PIK3R6: variants seen among roughly 807,000 people sequenced by gnomAD.
PIK3R6 encodes phosphoinositide 3-kinase regulatory subunit 6.
PIK3R6 carries 91 observed loss-of-function variants against 84.9 expected under a neutral mutation model. The observed-to-expected ratio is 1.07, with a 90% CI of 0.90 to 1.28. PIK3R6 has a LOEUF of 1.28. Among genes scored for constraint, PIK3R6 ranks in the 50% most tolerant of loss-of-function variants. The pLI is 0.00. For missense variants in PIK3R6, 996 were observed against 985.1 expected, an observed-to-expected ratio of 1.01 and a Z score of -0.15; for synonymous variants, 416 against 411.4, an observed-to-expected ratio of 1.01 and a Z score of -0.13.
At chr17:8,849,724 AG>A (rs2088896836) in intron 2 of PIK3R6, 57 bp downstream of exon 2, 2 of 1,557,230 alleles carry the variant, frequency 1.3e-6, no homozygotes, top group Non-Finnish European at 1.7e-6. Flanking sequence ...ACCCATGAGA[AG>A]GGCCTTCCCC....
In PIK3R6 at chr17:8,842,790, C is replaced by A. The variant is rs888231969; in HGVS notation, c.14-3093G>T. On this transcript the variant is annotated intron_variant, in intron 2 of 19. Coordinates refer to ENST00000619866, the MANE Select transcript of PIK3R6 (RefSeq NM_001010855.4). This position sits in a 1 kb window ranked among gnomAD's most constrained non-coding sequence, Gnocchi z 4.5. ...ATCTCATGTGACAGGGATCTCTCTT[C>A]TTGGCTCCTTTTTGGTCCTCCTGCT... Among the ~76,000 whole-genome samples the A allele has an allele frequency of 3.3e-5, 5 of 152,214 alleles. No homozygotes were observed. Among genetic ancestry groups the A allele is most frequent in the African/African-American group, 1.2e-4 (5 of 41,454 alleles).
intron 18 of PIK3R6, among the ~76,000 whole-genome samples, chr17:8,815,898 G>A (rs1331865752): frequency 2.6e-5 from 4 of 152,134 alleles, no homozygotes; most frequent in African/African-American, 7.2e-5. Context: ...GTGAATTTGG[G>A]GTACACATGT....
chr17:8,848,256 A>C (rs1000959245), intron 2 of PIK3R6, among the ~76,000 whole-genome samples: 1 of 152,024 alleles, frequency 6.6e-6, no homozygotes, highest in Non-Finnish European at 1.5e-5. Context: ...ATCAGTTTCT[A>C]TTGCTTATAT....
At chr17:8,838,906 G>A (rs560438338) in intron 3 of PIK3R6, among the ~76,000 whole-genome samples, 1 of 152,270 alleles carries the variant, frequency 6.6e-6, no homozygotes, top group South Asian at 2.1e-4. Flanking sequence ...ACACCAGTGG[G>A]GACAGGTGTG....
At chr17:8,836,944 G>A (rs1015691540) in intron 5 of PIK3R6, 21 bp from the exon 6 acceptor site, 15 of 1,531,540 alleles carry the variant, frequency 9.8e-6, no homozygotes, top group African/African-American at 1.4e-5. Context: ...GGGAGGAGGG[G>A]GAGGTGAGAG....
At chr17:8,828,291 T>C in intron 11 of PIK3R6, 101 bp from the exon 12 acceptor site, 1 of 1,268,894 alleles carries the variant, frequency 7.9e-7, no homozygotes, top group African/African-American at 1.5e-5. Flanking sequence ...GCAATTTGTG[T>C]CATCTTTCTG....
In PIK3R6 at chr17:8,803,166, G is replaced by T; in HGVS notation, c.*107C>A. Reference sequence around the variant, plus strand: ...CAGGCACTCGCTGGCTCCTGGTCAAGGCCAAAGCTGCCGTGTGGAGCCGGG... The same window carrying T: ...CAGGCACTCGCTGGCTCCTGGTCAATGCCAAAGCTGCCGTGTGGAGCCGGG... On this transcript the variant is annotated 3_prime_UTR_variant, in exon 20 of 20. Coordinates refer to ENST00000619866, the MANE Select transcript of PIK3R6 (RefSeq NM_001010855.4). This position sits in a 1 kb window ranked among gnomAD's most constrained non-coding sequence, Gnocchi z 5.0. The T allele has an allele frequency of 6.8e-7, 1 of 1,469,916 alleles. No individual in the cohort carries two copies. Among genetic ancestry groups the T allele is most frequent in the Non-Finnish European group, 9.3e-7 (1 of 1,073,642 alleles). The allele number at this position is 1,469,916 out of a possible 1,614,324, so 91.1% of individuals were successfully genotyped here.
At chr17:8,812,336 G>A (rs2087383475) in intron 18 of PIK3R6, among the ~76,000 whole-genome samples, 2 of 152,162 alleles carry the variant, frequency 1.3e-5, no homozygotes, top group Admixed American at 6.5e-5. Flanking sequence ...TGATGCACTA[G>A]ACAAATTATC....
chr17:8,839,505 C>G lies in PIK3R6; in HGVS notation c.97+109G>C, dbSNP rs2088602395. On this transcript the variant is annotated intron_variant, in intron 3 of 19. Transcript: ENST00000619866. The surrounding 1 kb of genome is among the most constrained non-coding windows in gnomAD (Gnocchi z 4.2). ...AGGAAAGGGGTTTGGTGAGACGACC[C>G]TTGCCCCCTGAGCTCCAGGCCGGGG... The G allele has an allele frequency of 1.5e-5, 13 of 839,732 alleles. No individual in the cohort carries two copies. Among genetic ancestry groups the G allele is most frequent in the Non-Finnish European group, 7.3e-6 (4 of 544,896 alleles). 52.0% of individuals were successfully genotyped at this position (839,732 alleles called of 1,614,324 possible). A position where few individuals can be genotyped will look rare whatever the true frequency, so the allele number is the denominator to read the frequency against.
intron 2 of PIK3R6, among the ~76,000 whole-genome samples, chr17:8,846,965 T>C (rs556208771): frequency 6.6e-6 from 1 of 152,298 alleles, no homozygotes; most frequent in South Asian, 2.1e-4. Context: ...ATAAGTCTCA[T>C]TGCCTGCTTG....
At chr17:8,836,951 A>G in intron 5 of PIK3R6, 28 bp from the exon 6 acceptor site, 1 of 1,150,672 alleles carries the variant, frequency 8.7e-7, no homozygotes, top group South Asian at 1.4e-5. Flanking sequence ...GGGGGAGGTG[A>G]GAGGGAGGAG....
intron 16 of PIK3R6, 45 bp from the exon 17 acceptor site, chr17:8,821,981 C>A: frequency 2.1e-6 from 3 of 1,460,044 alleles, no homozygotes; most frequent in Non-Finnish European, 2.8e-6. Flanking sequence ...TCAGGACATA[C>A]CCTTTCCCCA....
intron 2 of PIK3R6, among the ~76,000 whole-genome samples, chr17:8,840,300 ATG>A (rs1482768877): frequency 7.0e-4 from 98 of 140,658 alleles, no homozygotes; most frequent in African/African-American, 2.5e-3. Context: ...GCCTACAAAT[ATG>A]TATATGAAAT....
chr17:8,843,144 T>C (rs1567603898), intron 2 of PIK3R6, among the ~76,000 whole-genome samples: 2 of 152,206 alleles, frequency 1.3e-5, no homozygotes, highest in Non-Finnish European at 2.9e-5. Flanking sequence ...GAGGAAATCA[T>C]TTAGCTCAGC....
At chr17:8,825,772 T>C (rs2087897105) in intron 13 of PIK3R6, among the ~76,000 whole-genome samples, 1 of 152,196 alleles carries the variant, frequency 6.6e-6, no homozygotes, top group Non-Finnish European at 1.5e-5. Context: ...TATTTAAGCT[T>C]TTGGAAGCAT....
At chr17:8,864,398 C>A (rs1353188025) in intron 1 of PIK3R6, among the ~76,000 whole-genome samples, 3 of 151,958 alleles carry the variant, frequency 2.0e-5, no homozygotes, top group South Asian at 4.2e-4. Flanking sequence ...TAATAGAGTT[C>A]TTTGTCTCTG....
At chr17:8,840,520 AATAT>A (rs1159323755) in intron 2 of PIK3R6, among the ~76,000 whole-genome samples, 1 of 147,512 alleles carries the variant, frequency 6.8e-6, no homozygotes. Context: ...ATATATATGA[AATAT>A]ATATATGGCC....
At chr17:8,821,976 ACATACCCTTTCCC>A (rs1157902426) in intron 16 of PIK3R6, 40 bp from the exon 17 acceptor site, 1 of 1,483,644 alleles carries the variant, frequency 6.7e-7, no homozygotes. Flanking sequence ...GGTGCTCAGG[ACATACCCTTTCCC>A]CATGCATCCC....
intron 18 of PIK3R6, among the ~76,000 whole-genome samples, chr17:8,813,943 T>G (rs1410575142): frequency 2.0e-5 from 3 of 152,052 alleles, no homozygotes; most frequent in Non-Finnish European, 4.4e-5. Context: ...GGCATCCAAA[T>G]TGGAAAAGAG....
Sources: allele counts gnomAD v4.1 joint callset (sites outside exome capture counted in the v4.1 genomes callset), GRCh38; gene constraint gnomAD v4.1.1; non-coding constraint Gnocchi (gnomAD v3.1); transcripts MANE v1.5; gene names NCBI Gene and HGNC (gene_info 2026-07-23, HGNC 2026-07-21).